Variants in EPHA7 observed in about 807,000 individuals in gnomAD.
EPHA7 encodes the protein ephrin type-A receptor 7.
A neutral mutation model predicts 112.6 loss-of-function variants in EPHA7; 25 were observed. That is an observed-to-expected ratio of 0.22 (90% CI 0.16 to 0.31). EPHA7 has a LOEUF of 0.31. EPHA7 is among the 10% of genes least tolerant of loss of function. The pLI, the probability that EPHA7 is intolerant of heterozygous loss-of-function variation, is 1.00. For synonymous variants in EPHA7, 437 were observed against 406.5 expected, an observed-to-expected ratio of 1.07 and a Z score of -0.90; for missense variants, 962 against 1,212.6, an observed-to-expected ratio of 0.79 and a Z score of 3.07.
At chr6:93,390,044 C>G (rs1777823901) in intron 3 of EPHA7, among the ~76,000 whole-genome samples, 1 of 151,832 alleles carries the variant, frequency 6.6e-6, no homozygotes, top group Admixed American at 6.6e-5. Flanking sequence ...TTAACAAAAT[C>G]ACTAAACTTT....
chr6:93,409,299 A>G (rs1470995376), intron 3 of EPHA7, among the ~76,000 whole-genome samples: 4 of 152,090 alleles, frequency 2.6e-5, no homozygotes, highest in Non-Finnish European at 5.9e-5. Flanking sequence ...CCTAGGCTCT[A>G]AAGTCAGAAT....
rs9363066 is a variant in EPHA7 at position 93,336,691 on chromosome 6, C to A, written c.1324+20026G>T. On this transcript the variant is annotated intron_variant, in intron 5 of 16. Transcript: ENST00000369303. ...GCTGGGATTACAGTCATGAGCCACCCTGCCCAGCTCCTTTTACCCTTTTAA... is the reference window on the plus strand; with the variant it reads ...GCTGGGATTACAGTCATGAGCCACCATGCCCAGCTCCTTTTACCCTTTTAA... Among the ~76,000 whole-genome samples, 127 of 151,928 alleles carry A rather than the reference C, an allele frequency of 8.4e-4. 3 individuals carry two copies. In the South Asian group the frequency reaches 0.023, roughly 27 times the overall value.
intron 5 of EPHA7, among the ~76,000 whole-genome samples, chr6:93,337,295 CAAG>C (rs1024040531): frequency 6.6e-4 from 101 of 152,134 alleles, no homozygotes; most frequent in African/African-American, 2.4e-3. Context: ...GTCAGAATCA[CAAG>C]TTCTTTTAGT....
At chr6:93,366,330 A>G (rs1294198818) in intron 3 of EPHA7, among the ~76,000 whole-genome samples, 2 of 152,198 alleles carry the variant, frequency 1.3e-5, no homozygotes, top group Non-Finnish European at 2.9e-5. Context: ...GCCACTTCAC[A>G]TTAGGCTTCT....
intron 5 of EPHA7, among the ~76,000 whole-genome samples, chr6:93,347,886 T>C (rs1775480721): frequency 6.6e-6 from 1 of 151,790 alleles, no homozygotes; most frequent in Non-Finnish European, 1.5e-5. Flanking sequence ...AAAAATGAAC[T>C]CTTGTTTCCC....
At chr6:93,290,930 C>T (rs1562072756) in intron 5 of EPHA7, among the ~76,000 whole-genome samples, 1 of 151,996 alleles carries the variant, frequency 6.6e-6, no homozygotes, top group Non-Finnish European at 1.5e-5. Flanking sequence ...ATAAAGCAAA[C>T]AAAAAATACA....
At chr6:93,296,955 A>C (rs969331595) in intron 5 of EPHA7, among the ~76,000 whole-genome samples, 2 of 151,974 alleles carry the variant, frequency 1.3e-5, no homozygotes, top group Non-Finnish European at 2.9e-5. Context: ...GTTTTGTCAC[A>C]AAACCAAACA....
chr6:93,295,311 A>T (rs2127842231), intron 5 of EPHA7, among the ~76,000 whole-genome samples: 1 of 151,936 alleles, frequency 6.6e-6, no homozygotes, highest in South Asian at 2.1e-4. Flanking sequence ...CTATATTTTT[A>T]GTTAATATTT....
At chr6:93,414,353 G>T (rs1218345683) in intron 2 of EPHA7, among the ~76,000 whole-genome samples, 1 of 151,854 alleles carries the variant, frequency 6.6e-6, no homozygotes, top group Non-Finnish European at 1.5e-5. Context: ...CACTGACATG[G>T]TGATTATACT....
chr6:93,311,859 C>G (rs1215250314), intron 5 of EPHA7, among the ~76,000 whole-genome samples: 1 of 152,120 alleles, frequency 6.6e-6, no homozygotes, highest in South Asian at 2.1e-4. Flanking sequence ...GAATAAATAT[C>G]ATTTTAGCAG....
At chr6:93,244,560 G>T (rs1376843879) in intron 16 of EPHA7, among the ~76,000 whole-genome samples, 1 of 152,020 alleles carries the variant, frequency 6.6e-6, no homozygotes, top group Middle Eastern at 3.2e-3. Context: ...GAGGTTCAGA[G>T]ATTTTTAGAT....
At chr6:93,365,092 A>T (rs1776442568) in intron 3 of EPHA7, among the ~76,000 whole-genome samples, 1 of 152,210 alleles carries the variant, frequency 6.6e-6, no homozygotes, top group African/African-American at 2.4e-5. Context: ...AAGGAATACA[A>T]CTTGACTCAG....
chr6:93,264,694 C>G lies in EPHA7; in HGVS notation c.1642G>C (p.Val548Leu). ...ATAACAGGATTCTGTTCACTGGAGA[C>G]AGCTGTAGCTGTAAACAGAGGAAAT... ...ATGKMFEATA[V>L]SSEQNPVIII... Residue 548 changes from valine to leucine, a missense_variant, in exon 8 of 17, where the codon GTC becomes CTC. Physicochemically the swap from Val to Leu is conservative, Grantham distance 32. Coordinates refer to ENST00000369303, the MANE Select transcript of EPHA7 (RefSeq NM_004440.4). The G allele has an allele frequency of 6.3e-7, 1 of 1,599,106 alleles. No individual in the cohort carries two copies. Among genetic ancestry groups the G allele is most frequent in the Non-Finnish European group, 8.5e-7 (1 of 1,171,212 alleles).
intron 5 of EPHA7, among the ~76,000 whole-genome samples, chr6:93,347,358 T>C (rs1307163268): frequency 2.6e-5 from 4 of 151,858 alleles, no homozygotes; most frequent in Admixed American, 6.6e-5. Flanking sequence ...GTCTTGGACA[T>C]TGAAAATAAA....
chr6:93,298,078 C>T (rs757860374), intron 5 of EPHA7, among the ~76,000 whole-genome samples: 2 of 151,898 alleles, frequency 1.3e-5, no homozygotes, highest in African/African-American at 4.8e-5. Flanking sequence ...TAAAACAATG[C>T]CATATTAGCC....
chr6:93,310,395 G>A (rs577238710), intron 5 of EPHA7, among the ~76,000 whole-genome samples: 34 of 152,266 alleles, frequency 2.2e-4, no homozygotes, highest in Admixed American at 1.1e-3. Context: ...GGCTGGGTGC[G>A]GTGGCTCACG....
intron 5 of EPHA7, among the ~76,000 whole-genome samples, chr6:93,307,612 C>T (rs1337690733): frequency 6.6e-6 from 1 of 152,164 alleles, no homozygotes; most frequent in Non-Finnish European, 1.5e-5. Context: ...TTGCACTCCC[C>T]TTAGGCTGAC....
At chr6:93,385,200 G>A (rs1777540119) in intron 3 of EPHA7, among the ~76,000 whole-genome samples, 1 of 152,104 alleles carries the variant, frequency 6.6e-6, no homozygotes, top group Non-Finnish European at 1.5e-5. Flanking sequence ...ACAAAACAAT[G>A]TAACTGATTG....
At chr6:93,364,535 C>CAA (rs35503890) in intron 3 of EPHA7, among the ~76,000 whole-genome samples, 20,230 of 89,976 alleles carry the variant, frequency 0.22, 1,842 homozygotes, top group South Asian at 0.26. Context: ...AACTCCGTCT[C>CAA]AAAAAAAAAA....
Sources: gnomAD v4.1 joint callset for allele counts (sites outside exome capture counted in the v4.1 genomes callset) on GRCh38, gnomAD v4.1.1 for gene constraint, MANE v1.5 for transcripts, NCBI Gene and HGNC (gene_info 2026-07-23, HGNC 2026-07-21) for gene names.